Variants in RNF217 observed in about 807,000 individuals in gnomAD.
The protein encoded by RNF217 is E3 ubiquitin-protein ligase RNF217.
A neutral mutation model predicts 57.8 loss-of-function variants in RNF217; 31 were observed. The ratio of observed to expected loss-of-function variants is 0.54; its 90% CI spans 0.40 to 0.72. The LOEUF is 0.72. RNF217 is among the 30% of genes least tolerant of loss of function. RNF217 has a pLI of 0.00. For missense variants in RNF217, 696 were observed against 708.3 expected, an observed-to-expected ratio of 0.98 and a Z score of 0.20; for synonymous variants, 313 against 294.0, an observed-to-expected ratio of 1.06 and a Z score of -0.66.
At chr6:125,009,788 T>C (rs987398972) in intron 1 of RNF217, among the ~76,000 whole-genome samples, 1 of 152,182 alleles carries the variant, frequency 6.6e-6, no homozygotes, top group African/African-American at 2.4e-5. Context: ...GGGAGAACTT[T>C]CAGCAAAAAC....
chr6:124,979,738 A>G (rs896694531), intron 1 of RNF217, among the ~76,000 whole-genome samples: 2 of 152,202 alleles, frequency 1.3e-5, no homozygotes, highest in African/African-American at 4.8e-5. Context: ...AGTTTGCTTG[A>G]GCTGTAACAT....
intron 1 of RNF217, among the ~76,000 whole-genome samples, chr6:124,985,711 T>TA (rs541322522): frequency 2.6e-5 from 4 of 151,914 alleles, no homozygotes; most frequent in Admixed American, 2.0e-4. Flanking sequence ...TATAGTATAG[T>TA]AAAAAAAACA....
In RNF217 at chr6:125,090,019, C is replaced by T. The variant is rs59923339; in HGVS notation, c.*7082C>T. ...AATTTCATTATCAGCTGACAAGAAA[C>T]CCTTCTAAGACCCATTTTTTTAAGT... On this transcript the variant is annotated 3_prime_UTR_variant, in exon 6 of 6. Coordinates refer to ENST00000521654, the MANE Select transcript of RNF217 (RefSeq NM_001286398.3). The T allele has an allele frequency of 2.0e-3, 298 of 151,944 alleles. 2 individuals carry two copies. Among genetic ancestry groups the T allele is most frequent in the African/African-American group, 6.9e-3 (284 of 41,452 alleles). 9.4% of individuals were successfully genotyped at this position (151,944 alleles called of 1,614,324 possible).
Position 124,982,612 on chromosome 6 carries a change from T to G in RNF217, c.882+19186T>G, listed in dbSNP as rs1389492329. ...TAATAACTTATAATCATTGCCGTTT[T>G]ATAGATCATTTATTAATAATATATT... On this transcript the variant is annotated intron_variant, in intron 1 of 5. Transcript: ENST00000521654. Among the ~76,000 whole-genome samples, 4 of 152,286 alleles carry G rather than the reference T, an allele frequency of 2.6e-5. No individual in the cohort carries two copies. In the South Asian group the frequency reaches 8.3e-4, roughly 32 times the overall value.
At chr6:125,032,579 G>A (rs1334912160) in intron 1 of RNF217, among the ~76,000 whole-genome samples, 8 of 151,974 alleles carry the variant, frequency 5.3e-5, no homozygotes. Flanking sequence ...GACAAAATAT[G>A]TATATTTGTA....
chr6:125,035,755 A>G (rs111231912), intron 1 of RNF217, among the ~76,000 whole-genome samples: 5,637 of 152,162 alleles, frequency 0.037, 141 homozygotes, highest in South Asian at 0.082. Flanking sequence ...CTTTTTGATT[A>G]TCTTTAGAAG....
chr6:125,066,967 A>G (rs1787957237), intron 3 of RNF217, among the ~76,000 whole-genome samples: 1 of 148,368 alleles, frequency 6.7e-6, no homozygotes, highest in East Asian at 1.9e-4. Context: ...ACAATGATAA[A>G]CACTATTGCA....
chr6:125,059,992 G>A lies in RNF217; in HGVS notation c.1281+1886G>A, dbSNP rs564833091. On this transcript the variant is annotated intron_variant, in intron 3 of 5. Coordinates refer to ENST00000521654, the MANE Select transcript of RNF217 (RefSeq NM_001286398.3). ...TAAGTCATATTTTATGATGTGTTTG[G>A]AGTATAAATGGTTTCATTTTTCTTT... 2.7e-3 allele frequency among the ~76,000 whole-genome samples: 415 copies of A among 152,234 alleles called. 2 individuals are homozygous for A. Among genetic ancestry groups the A allele is most frequent in the Non-Finnish European group, 4.2e-3 (287 of 68,014 alleles).
chr6:125,058,189 T>C (rs1469860324), intron 3 of RNF217, 83 bp downstream of exon 3: 36 of 1,219,984 alleles, frequency 3.0e-5, no homozygotes, highest in Non-Finnish European at 3.8e-5. Context: ...AAGGGAATTA[T>C]AACTGTCTTA....
At chr6:124,972,510 A>G (rs1047134252) in intron 1 of RNF217, among the ~76,000 whole-genome samples, 2 of 152,190 alleles carry the variant, frequency 1.3e-5, no homozygotes, top group African/African-American at 2.4e-5. Flanking sequence ...TTTAAACTTT[A>G]TAACGGTATC....
intron 4 of RNF217, among the ~76,000 whole-genome samples, chr6:125,079,502 G>T (rs1788499381): frequency 6.6e-6 from 1 of 150,976 alleles, no homozygotes; most frequent in African/African-American, 2.4e-5. Context: ...CAATACATAT[G>T]TTCAAAAATA....
In RNF217 at chr6:125,083,613, A is replaced by G. The variant is rs1036337695; in HGVS notation, c.*676A>G. On this transcript the variant is annotated 3_prime_UTR_variant, in exon 6 of 6. Coordinates refer to ENST00000521654, the MANE Select transcript of RNF217 (RefSeq NM_001286398.3). ...AGTAACCTTGTACTTACCCAGTTCC[A>G]TGCCGCTACACTATTTTTCCACATT... 2 of 152,080 alleles carry G rather than the reference A, an allele frequency of 1.3e-5. No homozygotes were observed. The highest frequency in any genetic ancestry group is 4.8e-5 in the African/African-American group (2 of 41,438). 9.4% of individuals were successfully genotyped at this position (152,080 alleles called of 1,614,324 possible). A position where few individuals can be genotyped will look rare whatever the true frequency, so the allele number is the denominator to read the frequency against.
chr6:125,043,504 C>G (rs117933340), intron 1 of RNF217, among the ~76,000 whole-genome samples: 5,375 of 152,058 alleles, frequency 0.035, 127 homozygotes, highest in Middle Eastern at 0.065. Flanking sequence ...TAGCCCGTAC[C>G]TGCCTCAGAA....
intron 1 of RNF217, among the ~76,000 whole-genome samples, chr6:124,977,672 A>G (rs1057061735): frequency 1.3e-5 from 2 of 152,186 alleles, no homozygotes; most frequent in Non-Finnish European, 2.9e-5. Flanking sequence ...CAGTCTCCTC[A>G]CAGCCTCATT....
At chr6:125,061,290 A>G (rs1206104477) in intron 3 of RNF217, among the ~76,000 whole-genome samples, 1 of 152,020 alleles carries the variant, frequency 6.6e-6, no homozygotes, top group Non-Finnish European at 1.5e-5. Context: ...TTCCACCTAG[A>G]AAGTTTGAGG....
At chr6:124,996,619 A>T (rs1189547426) in intron 1 of RNF217, 2 of 152,158 alleles carry the variant, frequency 1.3e-5, no homozygotes, top group Admixed American at 1.3e-4. Context: ...TAATGAGGGG[A>T]AGAGTCAAGT....
intron 1 of RNF217, among the ~76,000 whole-genome samples, chr6:125,021,209 C>G (rs912974496): frequency 4.0e-5 from 6 of 151,810 alleles, no homozygotes; most frequent in African/African-American, 1.5e-4. Context: ...CCTCTACTCT[C>G]TGAAGTATTA....
chr6:125,001,881 C>T (rs773551724), intron 1 of RNF217, among the ~76,000 whole-genome samples: 7 of 152,028 alleles, frequency 4.6e-5, no homozygotes, highest in African/African-American at 1.7e-4. Context: ...ACAAATGTTA[C>T]TCCCATCAAT....
intron 1 of RNF217, among the ~76,000 whole-genome samples, chr6:125,026,813 C>T (rs1252554285): frequency 6.6e-6 from 1 of 151,836 alleles, no homozygotes; most frequent in Non-Finnish European, 1.5e-5. Flanking sequence ...AAATCATCTC[C>T]CTTACTGGAT....
Sources: gnomAD v4.1 joint callset for allele counts (sites outside exome capture counted in the v4.1 genomes callset) on GRCh38, gnomAD v4.1.1 for gene constraint, MANE v1.5 for transcripts, NCBI Gene and HGNC (gene_info 2026-07-23, HGNC 2026-07-21) for gene names.